PRIM2: variants seen among roughly 807,000 people sequenced by gnomAD.
PRIM2 encodes DNA primase large subunit.
Under a neutral mutation model 67.3 loss-of-function variants are expected in PRIM2, and 39 were observed. The observed-to-expected ratio is 0.58, with a 90% CI of 0.45 to 0.76. The LOEUF is 0.76. Among genes scored for constraint, PRIM2 ranks in the 30% least tolerant of loss-of-function variants. PRIM2 has a pLI of 0.00. For missense variants in PRIM2, 398 were observed against 598.7 expected, an observed-to-expected ratio of 0.66 and a Z score of 3.50; for synonymous variants, 143 against 198.7, an observed-to-expected ratio of 0.72 and a Z score of 2.36.
At chr6:57,441,625 G>A (rs12197882) in intron 7 of PRIM2, among the ~76,000 whole-genome samples, 1 of 152,076 alleles carries the variant, frequency 6.6e-6, no homozygotes, top group Non-Finnish European at 1.5e-5. Flanking sequence ...AAATTAATGA[G>A]GAAATCATTA....
intron 13 of PRIM2, among the ~76,000 whole-genome samples, chr6:57,633,948 A>G (rs1354633755): frequency 6.6e-6 from 1 of 152,214 alleles, no homozygotes; most frequent in Non-Finnish European, 1.5e-5. Flanking sequence ...AATGTATACC[A>G]GGCACAGCAC....
intron 8 of PRIM2, among the ~76,000 whole-genome samples, chr6:57,513,206 T>C (rs1346595626): frequency 6.6e-6 from 1 of 151,026 alleles, no homozygotes; most frequent in Non-Finnish European, 1.5e-5. Flanking sequence ...TAGGGTGAAT[T>C]ATATCGTTCA....
intron 7 of PRIM2, among the ~76,000 whole-genome samples, chr6:57,500,937 T>G (rs1554346789): frequency 0.022 from 3,421 of 152,294 alleles, 110 homozygotes; most frequent in South Asian, 0.071. Flanking sequence ...GGCATAAATT[T>G]AGAGGGTTGT....
the PRIM2 span, among the ~76,000 whole-genome samples, chr6:57,303,736 C>T: frequency 6.6e-6 from 1 of 152,194 alleles, no homozygotes; most frequent in Non-Finnish European, 1.5e-5. Flanking sequence ...CTGCCTCAGC[C>T]TCCCAAGTAG....
chr6:57,387,969 A>G (rs970279139), intron 7 of PRIM2, among the ~76,000 whole-genome samples: 1 of 152,002 alleles, frequency 6.6e-6, no homozygotes, highest in Admixed American at 6.6e-5. Context: ...AGGAAACTGC[A>G]TTCCAGGCAG....
chr6:57,577,691 A>T (rs1775988931), intron 10 of PRIM2, among the ~76,000 whole-genome samples: 1 of 152,104 alleles, frequency 6.6e-6, no homozygotes, highest in Non-Finnish European at 1.5e-5. Flanking sequence ...AGCCTCCCAA[A>T]GTGCTGGATT....
At chr6:57,551,881 G>T (rs1246724568) in intron 10 of PRIM2, among the ~76,000 whole-genome samples, 1 of 152,142 alleles carries the variant, frequency 6.6e-6, no homozygotes, top group East Asian at 1.9e-4. Flanking sequence ...TTGCCACAAC[G>T]TAAGTTTTAT....
At chr6:57,541,973 GTTTTTTTTTTT>G (rs1161553496) in intron 10 of PRIM2, among the ~76,000 whole-genome samples, 1 of 114,738 alleles carries the variant, frequency 8.7e-6, no homozygotes, top group Non-Finnish European at 1.7e-5. Context: ...TTGTGTTTTG[GTTTTTTTTTTT>G]TTTTTTTTTG....
At chr6:57,400,601 T>C (rs1463745571) in intron 7 of PRIM2, among the ~76,000 whole-genome samples, 1 of 152,216 alleles carries the variant, frequency 6.6e-6, no homozygotes, top group Non-Finnish European at 1.5e-5. Flanking sequence ...TTACGTAGAA[T>C]CTTGCAAGAG....
intron 10 of PRIM2, among the ~76,000 whole-genome samples, chr6:57,548,556 T>C (rs1245142330): frequency 1.3e-5 from 2 of 152,216 alleles, no homozygotes; most frequent in African/African-American, 4.8e-5. Flanking sequence ...ATTATTATAA[T>C]ATGAACCTCT....
At chr6:57,578,147 G>A (rs1775996718) in intron 10 of PRIM2, among the ~76,000 whole-genome samples, 1 of 152,096 alleles carries the variant, frequency 6.6e-6, no homozygotes, top group Non-Finnish European at 1.5e-5. Context: ...CGTGATGTTC[G>A]CTTCTCATCG....
chr6:57,231,776 C>T, the PRIM2 span, among the ~76,000 whole-genome samples: 1 of 151,824 alleles, frequency 6.6e-6, no homozygotes, highest in African/African-American at 2.4e-5. Context: ...TGTGTATTTC[C>T]ATGTGTAACA....
chr6:57,638,298 AT>A (rs1454644760), intron 13 of PRIM2, among the ~76,000 whole-genome samples: 2 of 152,204 alleles, frequency 1.3e-5, no homozygotes, highest in African/African-American at 4.8e-5. Flanking sequence ...GCAAAAACAT[AT>A]CAAATTCTAA....
intron 7 of PRIM2, among the ~76,000 whole-genome samples, chr6:57,418,032 T>C (rs1341456195): frequency 6.6e-6 from 1 of 152,186 alleles, no homozygotes; most frequent in Non-Finnish European, 1.5e-5. Context: ...ATGTGAATAC[T>C]TATAGCCAGA....
At chr6:57,228,227 A>G in the PRIM2 span, among the ~76,000 whole-genome samples, 6 of 152,128 alleles carry the variant, frequency 3.9e-5, no homozygotes, top group Non-Finnish European at 8.8e-5. Context: ...AAGTGGTATA[A>G]ACTCATTACT....
chr6:57,265,346 A>G, the PRIM2 span, among the ~76,000 whole-genome samples: 3 of 152,200 alleles, frequency 2.0e-5, no homozygotes, highest in African/African-American at 7.2e-5. Context: ...GACTTTAATT[A>G]TTAAGCTGAA....
the PRIM2 span, among the ~76,000 whole-genome samples, chr6:57,254,831 A>C: frequency 5.0e-4 from 76 of 152,316 alleles, no homozygotes; most frequent in African/African-American, 1.8e-3. Context: ...GAGGCTCCAG[A>C]GGAAGGTCTT....
intron 8 of PRIM2, among the ~76,000 whole-genome samples, chr6:57,509,002 C>T (rs2127460153): frequency 6.6e-6 from 1 of 152,216 alleles, no homozygotes; most frequent in Non-Finnish European, 1.5e-5. Flanking sequence ...TTTTAAACTT[C>T]TCTTTCAGAA....
chr6:57,247,027 T>C, the PRIM2 span, among the ~76,000 whole-genome samples: 1 of 152,116 alleles, frequency 6.6e-6, no homozygotes, highest in East Asian at 1.9e-4. Flanking sequence ...GCTAATTTTT[T>C]GTATTTTTAG....
Sources: gnomAD v4.1 joint callset for allele counts (sites outside exome capture counted in the v4.1 genomes callset) on GRCh38, gnomAD v4.1.1 for gene constraint, MANE v1.5 for transcripts, NCBI Gene and HGNC (gene_info 2026-07-23, HGNC 2026-07-21) for gene names.